Variants in MED12L observed in about 807,000 individuals in gnomAD.
MED12L encodes mediator complex subunit 12L, also known as mediator of RNA polymerase II transcription subunit 12-like protein.
A neutral mutation model predicts 281.3 loss-of-function variants in MED12L; 60 were observed. That is an observed-to-expected ratio of 0.21 (90% confidence interval 0.17 to 0.26). The LOEUF (loss-of-function observed/expected upper bound fraction) is 0.26, where lower values mean the gene tolerates loss of function less well. Among genes scored for constraint, MED12L ranks in the 10% least tolerant of loss-of-function variants. MED12L has a pLI of 1.00. For missense variants in MED12L, 2,146 were observed against 2,680.9 expected (o/e 0.80, Z 4.41); for synonymous variants, 974 against 987.2 (o/e 0.99, Z 0.25).
chr3:151,287,576 C>T (rs967466351), intron 16 of MED12L, among the ~76,000 whole-genome samples: 2 of 152,186 alleles, frequency 1.3e-5, no homozygotes, highest in Non-Finnish European at 2.9e-5. Flanking sequence ...CTGGTGACAG[C>T]ATGGACTTTG....
At chr3:151,177,075 C>A (rs963489222) in intron 11 of MED12L, among the ~76,000 whole-genome samples, 8 of 152,340 alleles carry the variant, frequency 5.3e-5, no homozygotes, top group East Asian at 3.9e-4. Flanking sequence ...ATATGAGCAT[C>A]TGGAAACAGA....
chr3:151,242,407 C>T (rs1241053817), intron 16 of MED12L, among the ~76,000 whole-genome samples: 4 of 152,206 alleles, frequency 2.6e-5, no homozygotes, highest in South Asian at 2.1e-4. Context: ...GTGGTTCTCC[C>T]AGCACGCAGC....
chr3:151,253,820 T>C (rs1307061315), intron 16 of MED12L, among the ~76,000 whole-genome samples: 1 of 152,122 alleles, frequency 6.6e-6, no homozygotes, highest in African/African-American at 2.4e-5. Context: ...ATTGTCCTTT[T>C]GCTGAGAGCA....
chr3:151,199,026 T>C (rs775816839), intron 16 of MED12L: 1 of 1,614,048 alleles, frequency 6.2e-7, no homozygotes, highest in African/African-American at 1.3e-5. Flanking sequence ...CGGTAGATCT[T>C]GCAGCTGTGT....
intron 16 of MED12L, among the ~76,000 whole-genome samples, chr3:151,226,783 A>G (rs1376791855): frequency 6.6e-6 from 1 of 152,170 alleles, no homozygotes; most frequent in Admixed American, 6.5e-5. Context: ...CCAGTTTCTA[A>G]AAGTATTTAA....
At chr3:151,093,776 G>T (rs1230802868) in intron 2 of MED12L, among the ~76,000 whole-genome samples, 1 of 152,186 alleles carries the variant, frequency 6.6e-6, no homozygotes, top group Admixed American at 6.5e-5. Flanking sequence ...TTTGTTCCAT[G>T]AAGCCATTCT....
intron 5 of MED12L, among the ~76,000 whole-genome samples, chr3:151,149,151 A>G (rs1480835963): frequency 6.6e-6 from 1 of 152,148 alleles, no homozygotes; most frequent in Non-Finnish European, 1.5e-5. Context: ...TCTACGTGTA[A>G]GGTGTAGTTT....
chr3:151,364,849 G>A, intron 21 of MED12L, 130 bp from the exon 22 acceptor site: 5 of 652,948 alleles, frequency 7.7e-6, no homozygotes, highest in South Asian at 2.0e-5. Flanking sequence ...TTCTAATTAA[G>A]AACTCATAAT....
At chr3:151,339,431 TA>T (rs3975402) in intron 16 of MED12L, among the ~76,000 whole-genome samples, 18,567 of 145,824 alleles carry the variant, frequency 0.13, 1,333 homozygotes, top group Middle Eastern at 0.18. Context: ...ACTGAATCAG[TA>T]AAAAAAAAAA....
intron 2 of MED12L, among the ~76,000 whole-genome samples, chr3:151,101,118 C>A (rs1479608728): frequency 6.6e-6 from 1 of 152,108 alleles, no homozygotes; most frequent in East Asian, 1.9e-4. Flanking sequence ...AGTATCAGAC[C>A]ACACTCAGGG....
chr3:151,242,803 C>T (rs1483220655), intron 16 of MED12L, among the ~76,000 whole-genome samples: 18 of 151,448 alleles, frequency 1.2e-4, no homozygotes, highest in African/African-American at 3.4e-4. Context: ...AGGCTTCAGA[C>T]GATCAAATTA....
intron 16 of MED12L, among the ~76,000 whole-genome samples, chr3:151,330,317 C>G (rs1323258079): frequency 3.3e-5 from 5 of 152,172 alleles, no homozygotes; most frequent in Admixed American, 1.3e-4. Context: ...TACTCTTTCA[C>G]TTAGTAGAGG....
chr3:151,167,262 C>G (rs753945633), intron 11 of MED12L, among the ~76,000 whole-genome samples: 3 of 152,050 alleles, frequency 2.0e-5, no homozygotes, highest in Non-Finnish European at 4.4e-5. Flanking sequence ...TGTTTTTTTC[C>G]TCAGCCTTAT....
intron 16 of MED12L, among the ~76,000 whole-genome samples, chr3:151,321,018 T>C (rs1748937521): frequency 6.6e-6 from 1 of 152,150 alleles, no homozygotes; most frequent in Non-Finnish European, 1.5e-5. Context: ...TTGGTTGGCA[T>C]TTAAGGGTAC....
chr3:151,328,524 T>C (rs1322373814), intron 16 of MED12L: 1 of 1,613,830 alleles, frequency 6.2e-7, no homozygotes, highest in Non-Finnish European at 8.5e-7. Context: ...AAGATCGTAT[T>C]TGGCAGGGAG....
At chr3:151,382,001 T>G (rs570660798) in intron 32 of MED12L, among the ~76,000 whole-genome samples, 2 of 152,322 alleles carry the variant, frequency 1.3e-5, no homozygotes, top group South Asian at 2.1e-4. Context: ...ATTGCACTTT[T>G]TTTTTGCTCA....
intron 16 of MED12L, among the ~76,000 whole-genome samples, chr3:151,311,748 C>T (rs1747551549): frequency 6.6e-6 from 1 of 151,988 alleles, no homozygotes; most frequent in Admixed American, 6.6e-5. Flanking sequence ...AATTTTAGGC[C>T]AGGCGTGGTG....
chr3:151,174,426 C>A (rs1457482183), intron 11 of MED12L, among the ~76,000 whole-genome samples: 1 of 152,060 alleles, frequency 6.6e-6, no homozygotes, highest in Non-Finnish European at 1.5e-5. Flanking sequence ...AAATGACAAA[C>A]CTAAGTAAAA....
At chr3:151,093,541 TAAA>T (rs1226840788) in intron 2 of MED12L, among the ~76,000 whole-genome samples, 1 of 152,220 alleles carries the variant, frequency 6.6e-6, no homozygotes, top group African/African-American at 2.4e-5. Context: ...TTTTGGATAA[TAAA>T]TACTACTCGA....
Sources: allele counts gnomAD v4.1 joint callset (sites outside exome capture counted in the v4.1 genomes callset), GRCh38; gene constraint gnomAD v4.1.1; transcripts MANE v1.5; gene names NCBI Gene and HGNC (gene_info 2026-07-23, HGNC 2026-07-21).